ADGRL3: variants seen among roughly 807,000 people sequenced by gnomAD.
The protein encoded by ADGRL3 is adhesion G protein-coupled receptor L3, also known as calcium-independent alpha-latrotoxin receptor 3.
In ADGRL3, 62 loss-of-function variants were observed where a neutral mutation model predicts 153.5. The ratio of observed to expected loss-of-function variants is 0.40; its 90% CI spans 0.33 to 0.50. ADGRL3 has a LOEUF of 0.50. ADGRL3 is among the 20% of genes least tolerant of loss of function. The pLI is 0.47. For synonymous variants in ADGRL3, 710 were observed against 672.5 expected, an observed-to-expected ratio of 1.06 and a Z score of -0.86; for missense variants, 1,641 against 1,859.4, an observed-to-expected ratio of 0.88 and a Z score of 2.16.
At chr4:61,997,261 AG>A (rs1411510361) in intron 20 of ADGRL3, among the ~76,000 whole-genome samples, 23 of 151,644 alleles carry the variant, frequency 1.5e-4, no homozygotes, top group African/African-American at 4.8e-4. Flanking sequence ...AAAAAAAAAA[AG>A]GAAAGGTAAG....
At chr4:61,600,365 ATTT>A (rs553116463) in intron 5 of ADGRL3, among the ~76,000 whole-genome samples, 3 of 150,726 alleles carry the variant, frequency 2.0e-5, no homozygotes, top group African/African-American at 7.3e-5. Context: ...ACAACTGCAG[ATTT>A]TTTTTAAGAA....
chr4:61,432,121 T>A (rs953083306), intron 2 of ADGRL3, among the ~76,000 whole-genome samples: 1 of 152,238 alleles, frequency 6.6e-6, no homozygotes, highest in African/African-American at 2.4e-5. Flanking sequence ...TGATACTGAC[T>A]CATTTCAAGA....
intron 2 of ADGRL3, among the ~76,000 whole-genome samples, chr4:61,412,930 G>A (rs2097104485): frequency 6.6e-6 from 1 of 152,082 alleles, no homozygotes; most frequent in Admixed American, 6.6e-5. Context: ...TCTATTGATT[G>A]TGTTTTTTCA....
At chr4:61,858,166 A>G (rs554960518) in intron 9 of ADGRL3, among the ~76,000 whole-genome samples, 2 of 152,350 alleles carry the variant, frequency 1.3e-5, no homozygotes, top group East Asian at 3.9e-4. Flanking sequence ...TAAATGATCT[A>G]GAGAGAACTT....
intron 17 of ADGRL3, among the ~76,000 whole-genome samples, chr4:61,950,146 A>G (rs1327169430): frequency 1.3e-5 from 2 of 152,200 alleles, no homozygotes; most frequent in African/African-American, 4.8e-5. Context: ...GTGAAATAAC[A>G]TGTATTTTTA....
chr4:61,226,803 A>C (rs536638014), intron 1 of ADGRL3, among the ~76,000 whole-genome samples: 2 of 152,086 alleles, frequency 1.3e-5, no homozygotes, highest in South Asian at 2.1e-4. Flanking sequence ...GAAAAAAAAA[A>C]CTAAGGAAAA....
intron 1 of ADGRL3, among the ~76,000 whole-genome samples, chr4:61,322,145 T>G (rs2095370229): frequency 6.6e-6 from 1 of 152,134 alleles, no homozygotes; most frequent in Non-Finnish European, 1.5e-5. Context: ...AGAGAGAGCT[T>G]GTGCAGAGAA....
intron 6 of ADGRL3, among the ~76,000 whole-genome samples, chr4:61,701,179 C>A (rs189589176): frequency 3.9e-5 from 6 of 152,142 alleles, no homozygotes; most frequent in Admixed American, 3.9e-4. Flanking sequence ...CAAATGAAGA[C>A]ATATATAGAG....
At chr4:61,577,069 G>A (rs553997581) in intron 4 of ADGRL3, among the ~76,000 whole-genome samples, 7 of 152,010 alleles carry the variant, frequency 4.6e-5, no homozygotes, top group African/African-American at 7.2e-5. Flanking sequence ...AAAAGCCTTA[G>A]TATTACTTTC....
At chr4:61,752,495 T>C (rs74816522) in intron 8 of ADGRL3, among the ~76,000 whole-genome samples, 1 of 152,124 alleles carries the variant, frequency 6.6e-6, no homozygotes, top group Non-Finnish European at 1.5e-5. Context: ...CAGATTTCTC[T>C]GTGTTCCTTC....
chr4:61,764,230 G>A (rs577741323), intron 8 of ADGRL3, among the ~76,000 whole-genome samples: 3 of 152,222 alleles, frequency 2.0e-5, no homozygotes, highest in East Asian at 3.9e-4. Flanking sequence ...ATGTGCGTCC[G>A]TGTGAAGAGA....
At chr4:61,747,795 C>A (rs1207858385) in intron 8 of ADGRL3, among the ~76,000 whole-genome samples, 1 of 151,188 alleles carries the variant, frequency 6.6e-6, no homozygotes, top group African/African-American at 2.4e-5. Flanking sequence ...TGAAAACTGG[C>A]ACAAGACAGG....
chr4:61,866,815 T>C lies in ADGRL3; in HGVS notation c.1481-25841T>C, dbSNP rs72638581. 5.9e-3 allele frequency among the ~76,000 whole-genome samples: 903 copies of C among 152,284 alleles called. 5 individuals are homozygous for C. The highest frequency in any genetic ancestry group is 0.048 in the Middle Eastern group (14 of 292). ...TTCTCATGTCTGTTGTAATTCTATT[T>C]TAAGGATTAAAGGTAGTGTCACATC... is the stretch of plus-strand genomic sequence containing the variant. On this transcript the variant is annotated intron_variant, in intron 9 of 26. Transcript: ENST00000683033.
At chr4:61,230,589 T>C (rs1367525908) in intron 1 of ADGRL3, among the ~76,000 whole-genome samples, 2 of 152,164 alleles carry the variant, frequency 1.3e-5, no homozygotes, top group Non-Finnish European at 2.9e-5. Context: ...TGTCACTATG[T>C]TGCCCAGGCT....
intron 3 of ADGRL3, among the ~76,000 whole-genome samples, chr4:61,514,384 A>G (rs1173210528): frequency 6.6e-6 from 1 of 152,212 alleles, no homozygotes; most frequent in Non-Finnish European, 1.5e-5. Flanking sequence ...CACCAGATTT[A>G]TAAGTGTGCT....
chr4:61,527,994 G>A (rs2098582079), intron 4 of ADGRL3, among the ~76,000 whole-genome samples: 1 of 151,984 alleles, frequency 6.6e-6, no homozygotes, highest in East Asian at 1.9e-4. Flanking sequence ...CTAACCTCCA[G>A]TCATCTTTTA....
chr4:61,551,273 A>G (rs549562455), intron 4 of ADGRL3, among the ~76,000 whole-genome samples: 2 of 152,262 alleles, frequency 1.3e-5, no homozygotes, highest in East Asian at 3.9e-4. Context: ...GTGTTATCAA[A>G]TGCATAGTGA....
intron 4 of ADGRL3, among the ~76,000 whole-genome samples, chr4:61,522,133 C>T (rs1278293686): frequency 1.3e-5 from 2 of 152,174 alleles, no homozygotes; most frequent in East Asian, 1.9e-4. Flanking sequence ...TTGAGCTTTG[C>T]TGTCTTTCCA....
At chr4:61,314,266 A>G (rs536470493) in intron 1 of ADGRL3, among the ~76,000 whole-genome samples, 2 of 151,072 alleles carry the variant, frequency 1.3e-5, no homozygotes, top group South Asian at 2.1e-4. Context: ...CTAGAGTGCA[A>G]TGGTGCGATC....
Sources: gnomAD v4.1 joint callset for allele counts (sites outside exome capture counted in the v4.1 genomes callset) on GRCh38, gnomAD v4.1.1 for gene constraint, MANE v1.5 for transcripts, NCBI Gene and HGNC (gene_info 2026-07-23, HGNC 2026-07-21) for gene names.